SLC35F3: variants seen among roughly 807,000 people sequenced by gnomAD.
SLC35F3 encodes solute carrier family 35 member F3.
A neutral mutation model predicts 49.9 loss-of-function variants in SLC35F3; 25 were observed. That is an observed-to-expected ratio of 0.50 (90% CI 0.37 to 0.70). The LOEUF is 0.70. SLC35F3 is among the 30% of genes least tolerant of loss of function. The pLI is 0.00. For missense variants in SLC35F3, 525 were observed against 639.8 expected, an observed-to-expected ratio of 0.82 and a Z score of 1.94; for synonymous variants, 275 against 265.4, an observed-to-expected ratio of 1.04 and a Z score of -0.35.
At chr1:234,169,980 G>C (rs1031585216) in intron 2 of SLC35F3, among the ~76,000 whole-genome samples, 1 of 152,100 alleles carries the variant, frequency 6.6e-6, no homozygotes, top group African/African-American at 2.4e-5. Flanking sequence ...TGTTAGCCAG[G>C]ATGGTCTCGA....
intron 2 of SLC35F3, among the ~76,000 whole-genome samples, chr1:234,174,059 A>G (rs1666440442): frequency 6.6e-6 from 1 of 152,220 alleles, no homozygotes; most frequent in Non-Finnish European, 1.5e-5. Flanking sequence ...GCATCCTGAT[A>G]CAAGCACGAG....
intron 3 of SLC35F3, among the ~76,000 whole-genome samples, chr1:234,299,920 A>G (rs2102989844): frequency 6.6e-6 from 1 of 152,056 alleles, no homozygotes; most frequent in East Asian, 1.9e-4. Context: ...AAGAAAGAAA[A>G]CAGAGAAAGA....
At chr1:233,991,019 C>T (rs1663347616) in intron 2 of SLC35F3, among the ~76,000 whole-genome samples, 1 of 152,156 alleles carries the variant, frequency 6.6e-6, no homozygotes, top group South Asian at 2.1e-4. Context: ...CTCCAAGGCC[C>T]CTCTTTTATT....
intron 2 of SLC35F3, among the ~76,000 whole-genome samples, chr1:234,180,134 C>T (rs1666534622): frequency 1.3e-5 from 2 of 152,186 alleles, no homozygotes; most frequent in Admixed American, 1.3e-4. Flanking sequence ...TCTGTGGCTC[C>T]AGTTCTGGTG....
chr1:234,315,260 G>T (rs1003008270), intron 4 of SLC35F3, among the ~76,000 whole-genome samples: 1 of 152,192 alleles, frequency 6.6e-6, no homozygotes, highest in African/African-American at 2.4e-5. Context: ...AGCGTATAAG[G>T]TATAACCTAA....
chr1:233,930,200 C>T (rs1662220770), intron 2 of SLC35F3, among the ~76,000 whole-genome samples: 1 of 151,592 alleles, frequency 6.6e-6, no homozygotes, highest in Non-Finnish European at 1.5e-5. Context: ...TTGAAAGGTT[C>T]TTGAGAGGTA....
intron 3 of SLC35F3, among the ~76,000 whole-genome samples, chr1:234,294,402 C>T (rs1238849911): frequency 6.6e-6 from 1 of 152,162 alleles, no homozygotes; most frequent in Non-Finnish European, 1.5e-5. Context: ...GCACATCAGC[C>T]ACAATTAAGG....
Position 234,108,747 on chromosome 1 carries a change from TAAAAG to T in SLC35F3, c.284-122668_284-122664del, listed in dbSNP as rs1558231843. Among the ~76,000 whole-genome samples the T allele has an allele frequency of 5.3e-5, 6 of 113,190 alleles. 1 individual carries two copies. Among genetic ancestry groups the T allele is most frequent in the Admixed American group, 1.1e-4 (1 of 9,344 alleles). The allele number at this position is 113,190 out of a possible 152,430, so 74.3% of individuals were successfully genotyped here. ...TATAAATATATATATCTTTTATATATAAAAGATATATATAAATATATATATCTTTT... is the reference window on the plus strand; with the variant it reads ...TATAAATATATATATCTTTTATATATATATATATAAATATATATATCTTTT... On this transcript the variant is annotated intron_variant, in intron 2 of 7. Coordinates refer to ENST00000366618, the MANE Select transcript of SLC35F3 (RefSeq NM_173508.4).
At chr1:234,048,882 C>G (rs1260621613) in intron 2 of SLC35F3, among the ~76,000 whole-genome samples, 1 of 152,198 alleles carries the variant, frequency 6.6e-6, no homozygotes, top group African/African-American at 2.4e-5. Flanking sequence ...GACCAATCAT[C>G]CCTCCCTTCT....
intron 2 of SLC35F3, among the ~76,000 whole-genome samples, chr1:234,184,589 G>A (rs73108465): frequency 0.041 from 6,240 of 152,250 alleles, 419 homozygotes; most frequent in African/African-American, 0.14. Flanking sequence ...TAGAAGGAAC[G>A]TGGGAATGCT....
chr1:234,168,892 G>A (rs1666356577), intron 2 of SLC35F3, among the ~76,000 whole-genome samples: 1 of 152,208 alleles, frequency 6.6e-6, no homozygotes, highest in African/African-American at 2.4e-5. Flanking sequence ...CTTGGAGAGA[G>A]ATCTATAGAA....
chr1:234,190,173 A>T (rs912101380), intron 2 of SLC35F3, among the ~76,000 whole-genome samples: 2 of 152,220 alleles, frequency 1.3e-5, no homozygotes, highest in Non-Finnish European at 2.9e-5. Flanking sequence ...AAACCGAGGT[A>T]TTCAAGCAAC....
chr1:234,146,517 G>A (rs1433301150), intron 2 of SLC35F3, among the ~76,000 whole-genome samples: 2 of 86,984 alleles, frequency 2.3e-5, no homozygotes, highest in East Asian at 2.9e-3. Flanking sequence ...TGGAGACGGA[G>A]TTTCGCTCTT....
At chr1:234,217,528 G>A (rs1031029020) in intron 2 of SLC35F3, among the ~76,000 whole-genome samples, 2 of 152,202 alleles carry the variant, frequency 1.3e-5, no homozygotes, top group African/African-American at 4.8e-5. Flanking sequence ...AATCTGAGGA[G>A]GTGTTCCTGA....
intron 2 of SLC35F3, among the ~76,000 whole-genome samples, chr1:234,122,634 A>G (rs7530821): frequency 0.36 from 53,926 of 151,882 alleles, 10,832 homozygotes; most frequent in East Asian, 0.78. Context: ...CCCATGGCCC[A>G]ACAGGCCTCA....
At position 234,117,952 on chromosome 1, in the gene SLC35F3, GTGTGTGTGTGTGTATA is replaced by G. The variant is rs1558234284; in HGVS notation, c.284-113463_284-113448del. On this transcript the variant is annotated intron_variant, in intron 2 of 7. Coordinates refer to ENST00000366618, the MANE Select transcript of SLC35F3 (RefSeq NM_173508.4). Reference sequence around the variant, plus strand: ...TGTGTGTGTGTGTGTGTGTGTGTGTGTGTGTGTGTGTGTATATATATATAAAACCACAAGAAACTGT... The same window carrying G: ...TGTGTGTGTGTGTGTGTGTGTGTGTGTATATATAAAACCACAAGAAACTGT... 4.9e-4 allele frequency among the ~76,000 whole-genome samples: 12 copies of G among 24,726 alleles called. 1 individual carries two copies. In the South Asian group the frequency reaches 0.017, roughly 34 times the overall value. The allele number at this position is 24,726 out of a possible 152,430, so 16.2% of individuals were successfully genotyped here. A position where few individuals can be genotyped will look rare whatever the true frequency, so the allele number is the denominator to read the frequency against.
At chr1:233,937,287 T>A (rs1314085656) in intron 2 of SLC35F3, among the ~76,000 whole-genome samples, 1 of 152,190 alleles carries the variant, frequency 6.6e-6, no homozygotes, top group Non-Finnish European at 1.5e-5. Context: ...ATGATATCTT[T>A]GATAAAGATC....
chr1:234,267,547 G>A lies in SLC35F3; in HGVS notation c.608+35806G>A, dbSNP rs372516938. Among the ~76,000 whole-genome samples the A allele has an allele frequency of 6.0e-4, 90 of 149,540 alleles. No homozygotes were observed. In the East Asian group the frequency reaches 0.014, roughly 23 times the overall value. On this transcript the variant is annotated intron_variant, in intron 3 of 7. Coordinates refer to ENST00000366618, the MANE Select transcript of SLC35F3 (RefSeq NM_173508.4). ...TCCCTCCCGGACGGGGCGGCTGGCC[G>A]GGCAGAGGGGTCCTCACTTCCCAGT...
At chr1:234,245,060 T>G (rs1667610943) in intron 3 of SLC35F3, among the ~76,000 whole-genome samples, 1 of 152,172 alleles carries the variant, frequency 6.6e-6, no homozygotes, top group African/African-American at 2.4e-5. Flanking sequence ...TAGTACTCTT[T>G]TCTTCTATCT....
Sources: allele counts gnomAD v4.1 joint callset (sites outside exome capture counted in the v4.1 genomes callset), GRCh38; gene constraint gnomAD v4.1.1; transcripts MANE v1.5; gene names NCBI Gene and HGNC (gene_info 2026-07-23, HGNC 2026-07-21).